Variants in NSMCE2 observed in about 807,000 individuals in gnomAD.
NSMCE2 encodes E3 SUMO-protein ligase NSE2.
In NSMCE2, 24 loss-of-function variants were observed where a neutral mutation model predicts 23.8. The observed-to-expected ratio is 1.01, with a 90% CI of 0.73 to 1.42. The LOEUF (loss-of-function observed/expected upper bound fraction) is 1.42, where lower values mean the gene tolerates loss of function less well. Among genes scored for constraint, NSMCE2 ranks in the 40% most tolerant of loss-of-function variants. NSMCE2 has a pLI of 0.00. For synonymous variants in NSMCE2, 92 were observed against 94.1 expected, an observed-to-expected ratio of 0.98 and a Z score of 0.13; for missense variants, 284 against 296.5, an observed-to-expected ratio of 0.96 and a Z score of 0.31.
intron 4 of NSMCE2, among the ~76,000 whole-genome samples, chr8:125,154,314 T>C (rs2130695970): frequency 1.3e-5 from 2 of 152,278 alleles, no homozygotes; most frequent in East Asian, 3.9e-4. Flanking sequence ...TATGCTCCTT[T>C]TGAAAAGTTT....
chr8:125,298,695 TTG>T (rs201165544), intron 5 of NSMCE2, among the ~76,000 whole-genome samples: 4,569 of 101,746 alleles, frequency 0.045, 149 homozygotes, highest in African/African-American at 0.11. Context: ...GGGTTTTTTT[TTG>T]TTTTTTTTTT....
intron 4 of NSMCE2, among the ~76,000 whole-genome samples, chr8:125,180,391 C>G (rs920262390): frequency 2.6e-5 from 4 of 152,150 alleles, no homozygotes; most frequent in Admixed American, 2.0e-4. Context: ...ACAGTCCGTT[C>G]CTACACTAAA....
At position 125,124,130 on chromosome 8, in the gene NSMCE2, T is replaced by A. The variant is rs1819403188; in HGVS notation, c.157+21643T>A. 3 of 152,240 alleles carry A rather than the reference T, an allele frequency of 2.0e-5. No homozygotes were observed. In the South Asian group the frequency reaches 6.2e-4, roughly 31 times the overall value. 9.4% of individuals were successfully genotyped at this position (152,240 alleles called of 1,614,324 possible). A position where few individuals can be genotyped will look rare whatever the true frequency, so the allele number is the denominator to read the frequency against. On this transcript the variant is annotated intron_variant, in intron 3 of 7. Coordinates refer to ENST00000287437, the MANE Select transcript of NSMCE2 (RefSeq NM_173685.4). ...ATTTGCCTATTTCCAGCATCTCATA[T>A]AAATGGAGTAATGTAATATGTGGTC...
intron 1 of NSMCE2, among the ~76,000 whole-genome samples, chr8:125,095,633 G>A (rs908157578): frequency 3.3e-5 from 5 of 151,618 alleles, no homozygotes; most frequent in African/African-American, 4.9e-5. Flanking sequence ...AGTGGCTCAC[G>A]CCTGTAATCC....
intron 5 of NSMCE2, among the ~76,000 whole-genome samples, chr8:125,183,190 G>C (rs939832581): frequency 6.6e-6 from 1 of 152,086 alleles, no homozygotes. Context: ...TTAATGTAGG[G>C]ATTCGTATTT....
At chr8:125,328,931 C>T (rs564915219) in intron 5 of NSMCE2, among the ~76,000 whole-genome samples, 2 of 152,298 alleles carry the variant, frequency 1.3e-5, no homozygotes, top group South Asian at 2.1e-4. Context: ...TCCTGGCCCC[C>T]AGTTCAGCAC....
At position 125,106,697 on chromosome 8, in the gene NSMCE2, C is replaced by A. The variant is rs1409486757; in HGVS notation, c.157+4210C>A. Among the ~76,000 whole-genome samples, 98 of 139,678 alleles carry A rather than the reference C, an allele frequency of 7.0e-4. 2 individuals are homozygous for A. The highest frequency in any genetic ancestry group is 3.5e-3 in the East Asian group (16 of 4,628). 91.6% of individuals were successfully genotyped at this position (139,678 alleles called of 152,430 possible). A position where few individuals can be genotyped will look rare whatever the true frequency, so the allele number is the denominator to read the frequency against. On this transcript the variant is annotated intron_variant, in intron 3 of 7. Coordinates refer to ENST00000287437, the MANE Select transcript of NSMCE2 (RefSeq NM_173685.4). ...AAGACTCCATCTCAAAAAAAAAAAACAAACAACTTTCATTTTGGCCGGGTG... is the reference window on the plus strand; with the variant it reads ...AAGACTCCATCTCAAAAAAAAAAAAAAAACAACTTTCATTTTGGCCGGGTG...
chr8:125,279,545 A>G (rs1827612979), intron 5 of NSMCE2, among the ~76,000 whole-genome samples: 1 of 152,224 alleles, frequency 6.6e-6, no homozygotes, highest in African/African-American at 2.4e-5. Flanking sequence ...TGTGTCGGAT[A>G]TAATGTAAGT....
intron 5 of NSMCE2, among the ~76,000 whole-genome samples, chr8:125,205,126 T>A (rs1824062937): frequency 6.6e-6 from 1 of 152,234 alleles, no homozygotes; most frequent in African/African-American, 2.4e-5. Context: ...TCATGGACTA[T>A]TCTACCCCTC....
chr8:125,174,415 T>A (rs866156446), intron 4 of NSMCE2, among the ~76,000 whole-genome samples: 4 of 152,234 alleles, frequency 2.6e-5, no homozygotes, highest in Non-Finnish European at 4.4e-5. Flanking sequence ...TTTCGTTTCT[T>A]TTCCACCAGT....
chr8:125,137,056 G>T (rs1016126163), intron 3 of NSMCE2, among the ~76,000 whole-genome samples: 1 of 151,660 alleles, frequency 6.6e-6, no homozygotes, highest in African/African-American at 2.4e-5. Flanking sequence ...TTAAAGGATT[G>T]ATTTGCTATT....
At position 125,287,788 on chromosome 8, in the gene NSMCE2, C is replaced by T. The variant is rs114838201; in HGVS notation, c.419-69431C>T. Among the ~76,000 whole-genome samples, 213 of 152,310 alleles carry T rather than the reference C, an allele frequency of 1.4e-3. 1 individual carries two copies. Among genetic ancestry groups the T allele is most frequent in the African/African-American group, 5.0e-3 (206 of 41,572 alleles). On this transcript the variant is annotated intron_variant, in intron 5 of 7. Transcript: ENST00000287437. ...TACTCCTTAACATTGGCAGCCCGAT[C>T]TCTTCCACCATTCCAGTGAATCCTC...
At chr8:125,113,820 T>C (rs558097613) in intron 3 of NSMCE2, among the ~76,000 whole-genome samples, 4 of 152,208 alleles carry the variant, frequency 2.6e-5, no homozygotes, top group Non-Finnish European at 5.9e-5. Flanking sequence ...CTCTCATGAA[T>C]GCTTTTGCCC....
chr8:125,165,515 A>G (rs1434558892), intron 4 of NSMCE2, among the ~76,000 whole-genome samples: 1 of 152,204 alleles, frequency 6.6e-6, no homozygotes. Context: ...ACATCTGGAA[A>G]CAGTGGTTTA....
rs1426297175 is a variant in NSMCE2, at chr8:125,214,236, A to G, written c.418+31980A>G. Among the ~76,000 whole-genome samples, 4 of 152,332 alleles carry G rather than the reference A, an allele frequency of 2.6e-5. No individual in the cohort carries two copies. In the East Asian group the frequency reaches 5.8e-4, roughly 22 times the overall value. On this transcript the variant is annotated intron_variant, in intron 5 of 7. Transcript: ENST00000287437. ...TCAAGGTTTAGAATACCAAGGGTCA[A>G]TAGCAGGCCAGTCGTTGGAAGGCAG...
intron 5 of NSMCE2, among the ~76,000 whole-genome samples, chr8:125,291,353 T>C (rs566814242): frequency 6.6e-6 from 1 of 152,356 alleles, no homozygotes; most frequent in South Asian, 2.1e-4. Flanking sequence ...CTATATAAAA[T>C]TTTAATAAAT....
chr8:125,153,231 A>G (rs1821137138), intron 4 of NSMCE2, among the ~76,000 whole-genome samples: 1 of 152,184 alleles, frequency 6.6e-6, no homozygotes, highest in Non-Finnish European at 1.5e-5. Context: ...GATAGATTTT[A>G]TCTCACTTTT....
At chr8:125,283,969 T>G (rs10956237) in intron 5 of NSMCE2, among the ~76,000 whole-genome samples, 2 of 151,708 alleles carry the variant, frequency 1.3e-5, no homozygotes, top group South Asian at 4.1e-4. Flanking sequence ...CTGGCTAACA[T>G]GGTGAAACCC....
chr8:125,218,414 GT>G (rs34237629), intron 5 of NSMCE2, among the ~76,000 whole-genome samples: 9,805 of 141,478 alleles, frequency 0.069, 353 homozygotes, highest in South Asian at 0.16. Flanking sequence ...AAAATTGAGG[GT>G]TTTTTTTTTT....
Sources: allele counts gnomAD v4.1 joint callset (sites outside exome capture counted in the v4.1 genomes callset), GRCh38; gene constraint gnomAD v4.1.1; transcripts MANE v1.5; gene names NCBI Gene and HGNC (gene_info 2026-07-23, HGNC 2026-07-21).